The following NCAM2 variants were observed in gnomAD, a reference collection of about 807,000 sequenced individuals.
The protein encoded by NCAM2 is N-CAM-2.
Under a neutral mutation model 98.1 loss-of-function variants are expected in NCAM2, and 30 were observed. The ratio of observed to expected loss-of-function variants is 0.31; its 90% CI spans 0.23 to 0.41. The LOEUF (loss-of-function observed/expected upper bound fraction) is 0.41, where lower values mean the gene tolerates loss of function less well. NCAM2 is among the 10% of genes least tolerant of loss of function. NCAM2 has a pLI of 1.00. For synonymous variants in NCAM2, 368 were observed against 342.4 expected, an observed-to-expected ratio of 1.07 and a Z score of -0.83; for missense variants, 867 against 1,005.8, an observed-to-expected ratio of 0.86 and a Z score of 1.87.
chr21:21,517,981 G>A (rs1988805791), intron 16 of NCAM2, among the ~76,000 whole-genome samples: 2 of 152,188 alleles, frequency 1.3e-5, no homozygotes, highest in Admixed American at 1.3e-4. Flanking sequence ...TACACTTGGA[G>A]AAGTCATTCT....
chr21:21,013,668 C>T (rs2064250812), intron 1 of NCAM2, among the ~76,000 whole-genome samples: 1 of 151,834 alleles, frequency 6.6e-6, no homozygotes, highest in Admixed American at 6.6e-5. Flanking sequence ...GTAATCCCAG[C>T]TACTTGGGAG....
intron 5 of NCAM2, among the ~76,000 whole-genome samples, chr21:21,301,876 G>A (rs1209863376): frequency 6.8e-6 from 1 of 147,370 alleles, no homozygotes; most frequent in Admixed American, 6.8e-5. Flanking sequence ...CATCATCACT[G>A]GCCATCAGAG....
intron 9 of NCAM2, among the ~76,000 whole-genome samples, chr21:21,379,239 A>G (rs759098494): frequency 9.2e-5 from 14 of 152,004 alleles, no homozygotes; most frequent in Non-Finnish European, 1.5e-4. Context: ...CATATTTTCT[A>G]TAATATGTCT....
At chr21:21,062,097 G>A (rs185203469) in intron 1 of NCAM2, among the ~76,000 whole-genome samples, 1 of 152,214 alleles carries the variant, frequency 6.6e-6, no homozygotes, top group Admixed American at 6.5e-5. Context: ...GTGGTATAAT[G>A]TAAAGTTTTA....
chr21:21,341,545 T>C (rs538662264), intron 8 of NCAM2, among the ~76,000 whole-genome samples: 9 of 152,262 alleles, frequency 5.9e-5, no homozygotes, highest in East Asian at 1.9e-4. Flanking sequence ...CATGTATCAG[T>C]CAAGTTTTGA....
chr21:21,001,201 A>G (rs1325187149), intron 1 of NCAM2, among the ~76,000 whole-genome samples: 1 of 152,208 alleles, frequency 6.6e-6, no homozygotes, highest in Non-Finnish European at 1.5e-5. Flanking sequence ...AAACTGACTA[A>G]CTTAAGTGAA....
chr21:21,258,854 C>T (rs540153490), intron 1 of NCAM2, among the ~76,000 whole-genome samples: 1 of 152,088 alleles, frequency 6.6e-6, no homozygotes, highest in East Asian at 2.0e-4. Context: ...GCTGCAGGAC[C>T]CCTGGACATC....
At chr21:21,152,809 C>T (rs1329033100) in intron 1 of NCAM2, among the ~76,000 whole-genome samples, 1 of 151,956 alleles carries the variant, frequency 6.6e-6, no homozygotes, top group Non-Finnish European at 1.5e-5. Flanking sequence ...GCTTAGTATT[C>T]AACTACAGAC....
chr21:21,094,023 ATTTAT>A (rs1464282814), intron 1 of NCAM2, among the ~76,000 whole-genome samples: 1 of 151,974 alleles, frequency 6.6e-6, no homozygotes, highest in African/African-American at 2.4e-5. Context: ...GCAAATTTAT[ATTTAT>A]TTTGTTTCCA....
rs2074937844 is a variant in NCAM2, at chr21:21,338,446, C to T, written c.956C>T (p.Thr319Ile). ...ACTACATATGAGAATGGTCAAGTCA[C>T]ACTCGTATGTGATGCGGAAGGGGAG... is the stretch of plus-strand genomic sequence containing the variant. ...NETTYENGQV[T>I]LVCDAEGEPI... Residue 319 changes from threonine to isoleucine, a missense_variant, in exon 8 of 18, where the codon ACA (threonine) becomes ATA (isoleucine). Around this residue, in one of 5 missense-constraint regions of NCAM2, gnomAD observed 447 missense variants for 495.7 expected, o/e 0.90. Transcript: ENST00000400546. 6.2e-7 allele frequency: 1 copy of T among 1,612,696 alleles called. No individual in the cohort carries two copies.
intron 12 of NCAM2, among the ~76,000 whole-genome samples, chr21:21,460,866 T>C (rs9976857): frequency 0.012 from 1,805 of 151,848 alleles, 47 homozygotes; most frequent in African/African-American, 0.041. Context: ...GGTTAGAGTT[T>C]CCGTCAGCAC....
intron 16 of NCAM2, among the ~76,000 whole-genome samples, chr21:21,530,389 T>C (rs1334205775): frequency 6.8e-6 from 1 of 147,748 alleles, no homozygotes; most frequent in African/African-American, 2.5e-5. Flanking sequence ...TATAATTTTA[T>C]TTAAACACTC....
chr21:21,383,011 T>C (rs183042809), intron 9 of NCAM2, among the ~76,000 whole-genome samples: 73 of 152,296 alleles, frequency 4.8e-4, no homozygotes, highest in African/African-American at 1.5e-3. Context: ...CTCTAAAATC[T>C]ACTATCTGAT....
At chr21:21,313,044 TATTAGCTGTACA>T (rs1389845386) in intron 5 of NCAM2, among the ~76,000 whole-genome samples, 2 of 151,908 alleles carry the variant, frequency 1.3e-5, no homozygotes, top group Non-Finnish European at 2.9e-5. Context: ...TAAATATTTT[TATTAGCTGTACA>T]ATCTGTGCTG....
At chr21:21,049,793 C>A (rs1208963835) in intron 1 of NCAM2, among the ~76,000 whole-genome samples, 1 of 151,960 alleles carries the variant, frequency 6.6e-6, no homozygotes, top group Non-Finnish European at 1.5e-5. Context: ...ATTGCTTGAA[C>A]CTGGGAGGCG....
At chr21:21,280,143 G>A (rs1197814589) in intron 1 of NCAM2, among the ~76,000 whole-genome samples, 1 of 149,106 alleles carries the variant, frequency 6.7e-6, no homozygotes, top group Admixed American at 6.8e-5. Flanking sequence ...ACAATTTTTA[G>A]TAGGTGTCTA....
chr21:21,358,754 A>G (rs111621985), intron 8 of NCAM2, among the ~76,000 whole-genome samples: 36 of 152,144 alleles, frequency 2.4e-4, no homozygotes, highest in African/African-American at 8.7e-4. Flanking sequence ...TTTCTGGTAC[A>G]AGTCTACCAT....
chr21:21,210,668 A>C, intron 1 of NCAM2: 2 of 1,275,406 alleles, frequency 1.6e-6, no homozygotes, highest in Non-Finnish European at 2.0e-6. Flanking sequence ...GAAGAAGGGC[A>C]ACCAGAGACT....
chr21:21,532,876 A>G (rs900819188), intron 16 of NCAM2, among the ~76,000 whole-genome samples: 1 of 152,132 alleles, frequency 6.6e-6, no homozygotes, highest in African/African-American at 2.4e-5. Flanking sequence ...GGGGCCCTTG[A>G]TCAGATAATG....
Sources: allele counts gnomAD v4.1 joint callset (sites outside exome capture counted in the v4.1 genomes callset), GRCh38; gene constraint gnomAD v4.1.1; regional missense constraint gnomAD v4.1.1; transcripts MANE v1.5; gene names NCBI Gene and HGNC (gene_info 2026-07-23, HGNC 2026-07-21).